VPS8: variants seen among roughly 807,000 people sequenced by gnomAD.
VPS8 encodes the protein VPS8 subunit of CORVET complex.
In VPS8, 129 loss-of-function variants were observed where a neutral mutation model predicts 216.4. The ratio of observed to expected loss-of-function variants is 0.60; its 90% CI spans 0.52 to 0.69. The LOEUF (loss-of-function observed/expected upper bound fraction) is 0.69. VPS8 is among the 30% of genes least tolerant of loss of function. The pLI is 0.00. For synonymous variants in VPS8, 571 were observed against 565.4 expected, an observed-to-expected ratio of 1.01 and a Z score of -0.14; for missense variants, 1,531 against 1,683.5, an observed-to-expected ratio of 0.91 and a Z score of 1.59.
chr3:184,957,953 A>G (rs1304804125), intron 37 of VPS8, among the ~76,000 whole-genome samples: 2 of 152,206 alleles, frequency 1.3e-5, no homozygotes. Flanking sequence ...TGCTATCTCC[A>G]GTAAAGAATG....
chr3:184,882,230 A>G, intron 21 of VPS8: 1 of 352,100 alleles, frequency 2.8e-6, no homozygotes, highest in East Asian at 7.4e-5. Context: ...CTTCTTATCA[A>G]GTTGAGGAAG....
intron 45 of VPS8, among the ~76,000 whole-genome samples, chr3:185,017,676 G>A (rs957379706): frequency 6.6e-6 from 1 of 152,218 alleles, no homozygotes; most frequent in Non-Finnish European, 1.5e-5. Context: ...ACAGAGCCCT[G>A]TTGGGACCTT....
intron 39 of VPS8, among the ~76,000 whole-genome samples, chr3:184,968,116 G>A (rs1577013438): frequency 2.6e-5 from 4 of 152,168 alleles, no homozygotes; most frequent in African/African-American, 9.6e-5. Flanking sequence ...GATTACTCAA[G>A]TATCTCATAT....
At chr3:184,942,679 A>G (rs1199242159) in intron 36 of VPS8, among the ~76,000 whole-genome samples, 2 of 152,200 alleles carry the variant, frequency 1.3e-5, no homozygotes, top group African/African-American at 2.4e-5. Flanking sequence ...TGGATTCATC[A>G]TATTTTATCC....
At chr3:184,835,716 T>TC (rs977466548) in intron 5 of VPS8, among the ~76,000 whole-genome samples, 5 of 149,274 alleles carry the variant, frequency 3.3e-5, no homozygotes, top group African/African-American at 1.2e-4. Context: ...TTTCTTTTTT[T>TC]TTTTTTTTTT....
chr3:184,834,414 G>A (rs1720632495), intron 4 of VPS8, among the ~76,000 whole-genome samples: 1 of 152,036 alleles, frequency 6.6e-6, no homozygotes, highest in Admixed American at 6.6e-5. Flanking sequence ...ATGAGTTAAT[G>A]GGTGCAGTAC....
At chr3:184,908,438 T>C (rs373664597) in intron 25 of VPS8, among the ~76,000 whole-genome samples, 16 of 152,202 alleles carry the variant, frequency 1.1e-4, no homozygotes, top group Admixed American at 8.5e-4. Context: ...ACAAGCTCCA[T>C]GTGAGGCCCG....
At chr3:185,004,530 GCTC>G (rs1753965940) in intron 45 of VPS8, among the ~76,000 whole-genome samples, 1 of 28,492 alleles carries the variant, frequency 3.5e-5, no homozygotes, top group African/African-American at 4.5e-5. Context: ...GAGAGGGAGA[GCTC>G]TTTTTTATTT....
chr3:185,047,748 A>G (rs891129638), intron 46 of VPS8, among the ~76,000 whole-genome samples: 2 of 152,158 alleles, frequency 1.3e-5, no homozygotes, highest in Admixed American at 6.5e-5. Context: ...AGGTGAGGCA[A>G]TTGAGGCTTA....
chr3:184,925,213 A>T (rs1488604831), intron 30 of VPS8, among the ~76,000 whole-genome samples: 1 of 152,094 alleles, frequency 6.6e-6, no homozygotes, highest in Non-Finnish European at 1.5e-5. Flanking sequence ...GTTGCTCTGA[A>T]TTGCCTAGAA....
chr3:184,817,368 T>C (rs532064405), intron 1 of VPS8: 23 of 152,432 alleles, frequency 1.5e-4, no homozygotes, highest in Non-Finnish European at 2.8e-4. Flanking sequence ...ATCTGGTCTT[T>C]GCTCTCTCAT....
At chr3:184,978,589 A>C (rs1388017121) in intron 40 of VPS8, among the ~76,000 whole-genome samples, 1 of 152,002 alleles carries the variant, frequency 6.6e-6, no homozygotes, top group Admixed American at 6.6e-5. Flanking sequence ...TTGTAGAAAC[A>C]GGGTCTCCCC....
chr3:184,871,490 T>C (rs1451689577), intron 21 of VPS8, among the ~76,000 whole-genome samples: 3 of 152,190 alleles, frequency 2.0e-5, no homozygotes, highest in African/African-American at 7.2e-5. Flanking sequence ...TAGCAGAGTT[T>C]AGGCTTTGCA....
chr3:185,036,281 A>C (rs564384855), intron 46 of VPS8, among the ~76,000 whole-genome samples: 1 of 152,268 alleles, frequency 6.6e-6, no homozygotes, highest in East Asian at 1.9e-4. Flanking sequence ...CATGTAGAAC[A>C]AAAAAAGACC....
At chr3:185,024,538 C>T (rs979285237) in intron 46 of VPS8, 149 bp downstream of exon 46, 4 of 917,142 alleles carry the variant, frequency 4.4e-6, no homozygotes, top group Admixed American at 6.0e-5. Context: ...TGACATGTCT[C>T]CAGGCCTCCT....
chr3:184,940,415 G>A (rs1222747291), intron 36 of VPS8, among the ~76,000 whole-genome samples, 172 bp downstream of exon 36: 1 of 152,072 alleles, frequency 6.6e-6, no homozygotes, highest in Non-Finnish European at 1.5e-5. Context: ...AGATCTGAAC[G>A]ATAGATTATA....
rs71162267 is a variant in VPS8 at position 184,842,186 on chromosome 3, C to CAAAAAAAAAAAAAA, written c.536-1044_536-1031dup. On this transcript the variant is annotated intron_variant, in intron 7 of 47. Transcript: ENST00000625842. ...TGGGTGACAGAGCGAGACTCCGTCT[C>CAAAAAAAAAAAAAA]AAAAAAAAAAAAAAAAAAAAAAAGA... 1.1e-3 allele frequency among the ~76,000 whole-genome samples: 52 copies of CAAAAAAAAAAAAAA among 48,954 alleles called. 2 individuals carry two copies. The highest frequency in any genetic ancestry group is 6.3e-3 in the East Asian group (6 of 952). 32.1% of individuals were successfully genotyped at this position (48,954 alleles called of 152,430 possible).
intron 10 of VPS8, among the ~76,000 whole-genome samples, chr3:184,852,246 G>C (rs1215456150): frequency 6.6e-6 from 1 of 152,032 alleles, no homozygotes; most frequent in Non-Finnish European, 1.5e-5. Context: ...ATCATAGTTT[G>C]TATTTTTCTT....
At chr3:185,042,236 A>T (rs1167781873) in intron 46 of VPS8, among the ~76,000 whole-genome samples, 2 of 152,120 alleles carry the variant, frequency 1.3e-5, no homozygotes, top group Non-Finnish European at 2.9e-5. Context: ...CTTCCTTTAG[A>T]GACTTTTGAG....
Sources: gnomAD v4.1 joint callset for allele counts (sites outside exome capture counted in the v4.1 genomes callset) on GRCh38, gnomAD v4.1.1 for gene constraint, MANE v1.5 for transcripts, NCBI Gene and HGNC (gene_info 2026-07-23, HGNC 2026-07-21) for gene names.